The following UVRAG variants were observed in gnomAD, a reference collection of about 807,000 sequenced individuals.
The protein encoded by UVRAG is UV radiation resistance-associated gene protein.
Under a neutral mutation model 78.0 loss-of-function variants are expected in UVRAG, and 19 were observed. The ratio of observed to expected loss-of-function variants is 0.24; its 90% CI spans 0.17 to 0.36. UVRAG has a LOEUF of 0.36. UVRAG is among the 10% of genes least tolerant of loss of function. UVRAG has a pLI of 1.00. For missense variants in UVRAG, 740 were observed against 853.8 expected (o/e 0.87, Z 1.66); for synonymous variants, 323 against 324.6 (o/e 1.00, Z 0.05).
chr11:75,897,823 AATTT>A, intron 5 of UVRAG, among the ~76,000 whole-genome samples: 1 of 146,946 alleles, frequency 6.8e-6, no homozygotes, highest in South Asian at 2.1e-4. Context: ...CAGCTGCTAT[AATTT>A]ATTTATCTCT....
chr11:75,862,620 G>A (rs910639303), intron 3 of UVRAG, among the ~76,000 whole-genome samples: 3 of 152,106 alleles, frequency 2.0e-5, no homozygotes, highest in Non-Finnish European at 4.4e-5. Context: ...TCAGCTGTTC[G>A]CTTGACTGAA....
intron 6 of UVRAG, among the ~76,000 whole-genome samples, chr11:75,943,817 C>T (rs1334930901): frequency 6.6e-6 from 1 of 152,100 alleles, no homozygotes; most frequent in African/African-American, 2.4e-5. Flanking sequence ...TTATTTGATG[C>T]CATTACCATG....
At chr11:75,887,402 C>T (rs1040521309) in intron 4 of UVRAG, among the ~76,000 whole-genome samples, 5 of 151,120 alleles carry the variant, frequency 3.3e-5, no homozygotes, top group African/African-American at 4.9e-5. Flanking sequence ...GCCTTGGCCT[C>T]CCGAAGTGCT....
intron 8 of UVRAG, among the ~76,000 whole-genome samples, chr11:75,988,284 A>G (rs1416428970): frequency 2.0e-5 from 3 of 152,146 alleles, no homozygotes; most frequent in Non-Finnish European, 4.4e-5. Context: ...TCTTTCCTCC[A>G]TCGTTTGACC....
At chr11:75,996,805 C>T (rs1411032678) in intron 8 of UVRAG, among the ~76,000 whole-genome samples, 4 of 152,186 alleles carry the variant, frequency 2.6e-5, no homozygotes, top group Non-Finnish European at 5.9e-5. Context: ...CTTTCTGATT[C>T]ATAAGTCCAT....
chr11:76,083,875 A>G (rs967172670), intron 13 of UVRAG, among the ~76,000 whole-genome samples: 1 of 152,226 alleles, frequency 6.6e-6, no homozygotes, highest in Non-Finnish European at 1.5e-5. Flanking sequence ...TCAGGAGATC[A>G]AAAGAGACTT....
chr11:76,010,828 G>T (rs1258454804), intron 11 of UVRAG, among the ~76,000 whole-genome samples: 2 of 152,266 alleles, frequency 1.3e-5, no homozygotes, highest in South Asian at 2.1e-4. Flanking sequence ...GAAGAGCTAC[G>T]TTAGAAGAGG....
At chr11:75,889,611 TA>T (rs1337893304) in intron 5 of UVRAG, among the ~76,000 whole-genome samples, 1 of 152,250 alleles carries the variant, frequency 6.6e-6, no homozygotes, top group Non-Finnish European at 1.5e-5. Context: ...TATTTGCTCT[TA>T]GTGATCATGT....
chr11:76,134,259 C>T (rs1952563496), intron 14 of UVRAG, among the ~76,000 whole-genome samples: 1 of 144,278 alleles, frequency 6.9e-6, no homozygotes, highest in Admixed American at 6.8e-5. Context: ...CCACACCTGG[C>T]CTTTTTTTTT....
At chr11:75,858,064 A>G (rs1239103341) in intron 2 of UVRAG, among the ~76,000 whole-genome samples, 1 of 151,984 alleles carries the variant, frequency 6.6e-6, no homozygotes, top group Non-Finnish European at 1.5e-5. Flanking sequence ...TCTGTCCCCA[A>G]TATGCAGAAC....
At chr11:75,961,591 T>A in intron 7 of UVRAG, 42 bp downstream of exon 7, 12 of 1,452,106 alleles carry the variant, frequency 8.3e-6, no homozygotes, top group Non-Finnish European at 1.0e-5. Context: ...TCTTGTTTTC[T>A]AAAGGAGAGT....
intron 13 of UVRAG, 136 bp downstream of exon 13, chr11:76,065,924 CT>C (rs1021945749): frequency 2.3e-4 from 151 of 657,268 alleles, no homozygotes; most frequent in South Asian, 3.6e-4. Context: ...ATACACAGTT[CT>C]TTTTTTTGAT....
At chr11:75,923,934 G>T (rs868235946) in intron 6 of UVRAG, among the ~76,000 whole-genome samples, 54 of 152,172 alleles carry the variant, frequency 3.5e-4, no homozygotes, top group African/African-American at 1.2e-3. Context: ...TTCTTGGACA[G>T]GATGCTCTCT....
At chr11:76,044,802 A>G (rs1026519405) in intron 12 of UVRAG, among the ~76,000 whole-genome samples, 8 of 152,168 alleles carry the variant, frequency 5.3e-5, no homozygotes, top group Non-Finnish European at 7.3e-5. Flanking sequence ...AAAGAAAAAA[A>G]ATTTTAAAAA....
At chr11:76,060,701 C>T (rs1427572669) in intron 12 of UVRAG, among the ~76,000 whole-genome samples, 1 of 152,214 alleles carries the variant, frequency 6.6e-6, no homozygotes, top group Non-Finnish European at 1.5e-5. Flanking sequence ...AGGGGCTTAG[C>T]ACCCGGGCCA....
At chr11:75,979,219 C>T (rs1210448989) in intron 7 of UVRAG, among the ~76,000 whole-genome samples, 1 of 152,204 alleles carries the variant, frequency 6.6e-6, no homozygotes, top group East Asian at 1.9e-4. Flanking sequence ...ATGTTGCTGC[C>T]TGATCATTCC....
At chr11:76,097,014 G>A (rs990915503) in intron 13 of UVRAG, among the ~76,000 whole-genome samples, 1 of 152,076 alleles carries the variant, frequency 6.6e-6, no homozygotes, top group Non-Finnish European at 1.5e-5. Context: ...CTTAACTGAA[G>A]CGTGCAACCC....
chr11:76,067,037 CTA>C (rs1951202772), intron 13 of UVRAG, among the ~76,000 whole-genome samples: 1 of 152,138 alleles, frequency 6.6e-6, no homozygotes, highest in Non-Finnish European at 1.5e-5. Flanking sequence ...AATTATTCCT[CTA>C]TGTGGTGTCA....
At position 76,120,356 on chromosome 11, in the gene UVRAG, T is replaced by G. The variant is rs569597099; in HGVS notation, c.1397+4341T>G. Among the ~76,000 whole-genome samples the G allele has an allele frequency of 2.0e-3, 299 of 152,362 alleles. 2 individuals are homozygous for G. Among genetic ancestry groups the G allele is most frequent in the Non-Finnish European group, 3.4e-3 (228 of 68,028 alleles). On this transcript the variant is annotated intron_variant, in intron 14 of 14. Coordinates refer to ENST00000356136, the MANE Select transcript of UVRAG (RefSeq NM_003369.4). ...GATTAGGTCCTTTTCTTCTGAGATG[T>G]CTGTAGACAATTTACTCAAATTATT...
Sources: allele counts gnomAD v4.1 joint callset (sites outside exome capture counted in the v4.1 genomes callset), GRCh38; gene constraint gnomAD v4.1.1; transcripts MANE v1.5; gene names NCBI Gene and HGNC (gene_info 2026-07-23, HGNC 2026-07-21).